Variants in DOCK4 observed in about 807,000 individuals in gnomAD.
The protein encoded by DOCK4 is dedicator of cytokinesis protein 4.
A neutral mutation model predicts 268.1 loss-of-function variants in DOCK4; 97 were observed. The observed-to-expected ratio is 0.36, with a 90% CI of 0.31 to 0.43. The LOEUF (loss-of-function observed/expected upper bound fraction) is 0.43, where lower values mean the gene tolerates loss of function less well. DOCK4 is among the 20% of genes least tolerant of loss of function. The pLI is 1.00. For missense variants in DOCK4, 2,145 were observed against 2,455.7 expected (o/e 0.87, Z 2.67); for synonymous variants, 954 against 887.2 (o/e 1.08, Z -1.34).
intron 1 of DOCK4, among the ~76,000 whole-genome samples, chr7:112,077,502 C>G (rs1031180489): frequency 6.6e-6 from 1 of 152,056 alleles, no homozygotes; most frequent in African/African-American, 2.4e-5. Flanking sequence ...CGCATCATTT[C>G]TACAGTGTGC....
intron 1 of DOCK4, among the ~76,000 whole-genome samples, chr7:112,117,646 C>G (rs970747330): frequency 6.6e-6 from 1 of 152,236 alleles, no homozygotes; most frequent in African/African-American, 2.4e-5. Flanking sequence ...GCTGGGACTA[C>G]AGGCGTGAGC....
chr7:111,934,432 GC>G (rs1794515854), intron 12 of DOCK4, among the ~76,000 whole-genome samples: 1 of 151,212 alleles, frequency 6.6e-6, no homozygotes, highest in Non-Finnish European at 1.5e-5. Flanking sequence ...TTCTTTTTTA[GC>G]CAACTTCAAT....
At chr7:111,991,042 A>C (rs1185809561) in intron 5 of DOCK4, among the ~76,000 whole-genome samples, 1 of 152,238 alleles carries the variant, frequency 6.6e-6, no homozygotes, top group African/African-American at 2.4e-5. Context: ...GTAGCAAAGA[A>C]GAGACACAGC....
chr7:112,020,478 C>T (rs1802218546), intron 1 of DOCK4, among the ~76,000 whole-genome samples: 1 of 152,012 alleles, frequency 6.6e-6, no homozygotes, highest in South Asian at 2.1e-4. Flanking sequence ...GTAGCTTATC[C>T]CGACTGGTCT....
intron 1 of DOCK4, among the ~76,000 whole-genome samples, chr7:112,158,685 C>T (rs1816830479): frequency 6.6e-6 from 1 of 152,220 alleles, no homozygotes; most frequent in South Asian, 2.1e-4. Context: ...TTCAAAGAAA[C>T]TATCACTTTT....
At chr7:112,028,881 C>T (rs1463372889) in intron 1 of DOCK4, among the ~76,000 whole-genome samples, 1 of 152,236 alleles carries the variant, frequency 6.6e-6, no homozygotes, top group Non-Finnish European at 1.5e-5. Context: ...AACCTGCTCA[C>T]ATGGTCCTGA....
intron 1 of DOCK4, among the ~76,000 whole-genome samples, chr7:112,064,121 G>T (rs1806706043): frequency 6.6e-6 from 1 of 152,198 alleles, no homozygotes; most frequent in Non-Finnish European, 1.5e-5. Context: ...GCTGGCAGAG[G>T]TATGGGGTTT....
chr7:112,099,276 A>C (rs1044988299), intron 1 of DOCK4, among the ~76,000 whole-genome samples: 2 of 147,506 alleles, frequency 1.4e-5, no homozygotes, highest in African/African-American at 2.5e-5. Context: ...TGGGTGATAG[A>C]GCAAGACCCT....
At chr7:111,964,930 C>T (rs1164902638) in intron 8 of DOCK4, among the ~76,000 whole-genome samples, 2 of 114,080 alleles carry the variant, frequency 1.8e-5, no homozygotes, top group Non-Finnish European at 3.4e-5. Flanking sequence ...AATTTTCAAC[C>T]CAGAATTTCA....
intron 23 of DOCK4, among the ~76,000 whole-genome samples, chr7:111,853,933 T>C (rs1349443704): frequency 6.6e-6 from 1 of 151,052 alleles, no homozygotes; most frequent in Non-Finnish European, 1.5e-5. Context: ...GTTGTTGTTG[T>C]TTGGTTTTTT....
At chr7:112,082,009 C>A (rs1270831162) in intron 1 of DOCK4, among the ~76,000 whole-genome samples, 1 of 151,818 alleles carries the variant, frequency 6.6e-6, no homozygotes, top group Non-Finnish European at 1.5e-5. Context: ...TCAGAATACT[C>A]ATGTGACAAA....
chr7:112,066,678 TATATAC>T (rs57764149), intron 1 of DOCK4, among the ~76,000 whole-genome samples: 14 of 22,020 alleles, frequency 6.4e-4, no homozygotes, highest in Admixed American at 8.9e-4. Context: ...TACATATACA[TATATAC>T]ATATACATAT....
At position 111,945,801 on chromosome 7, in the gene DOCK4, A is replaced by G; in HGVS notation, c.702-3T>C. The G allele has an allele frequency of 1.3e-6, 2 of 1,574,922 alleles. No individual in the cohort carries two copies. The highest frequency in any genetic ancestry group is 1.7e-6 in the Non-Finnish European group (2 of 1,159,284). The stretch of plus-strand genomic sequence containing the variant: ...TCAGCCTCAAGAAAAATCTCTCACT[A>G]CAAGAGAAAAAATGTTTAACAATTT... On this transcript the variant is annotated splice_region_variant and splice_polypyrimidine_tract_variant and intron_variant, in intron 8 of 52. Transcript: ENST00000428084.
intron 1 of DOCK4, among the ~76,000 whole-genome samples, chr7:112,033,224 G>GA (rs1284030923): frequency 1.3e-5 from 2 of 151,626 alleles, no homozygotes; most frequent in African/African-American, 2.4e-5. Context: ...TTCTAGAGTA[G>GA]AAAAAAAATG....
chr7:111,930,629 AC>A (rs376559698), intron 12 of DOCK4, among the ~76,000 whole-genome samples: 1 of 152,318 alleles, frequency 6.6e-6, no homozygotes, highest in African/African-American at 2.4e-5. Context: ...CAGAGAGAAA[AC>A]AGCGGAAGTC....
At chr7:112,046,160 A>G (rs747798531) in intron 1 of DOCK4, among the ~76,000 whole-genome samples, 3 of 152,164 alleles carry the variant, frequency 2.0e-5, no homozygotes, top group Non-Finnish European at 4.4e-5. Flanking sequence ...GATTCTGTGA[A>G]CTTTTACTGG....
At chr7:111,760,141 G>A in intron 40 of DOCK4, 40 bp downstream of exon 40, 1 of 1,605,920 alleles carries the variant, frequency 6.2e-7, no homozygotes, top group African/African-American at 1.3e-5. Context: ...CTAAGAGCCA[G>A]TGCAATCTCA....
At chr7:111,877,264 A>G in intron 16 of DOCK4, 78 bp from the exon 17 acceptor site, 2 of 1,165,010 alleles carry the variant, frequency 1.7e-6, no homozygotes, top group Non-Finnish European at 2.2e-6. Context: ...TTATATTACT[A>G]GTGTTTATAA....
intron 1 of DOCK4, among the ~76,000 whole-genome samples, chr7:112,111,982 C>T (rs1192889288): frequency 6.6e-6 from 1 of 152,210 alleles, no homozygotes; most frequent in Non-Finnish European, 1.5e-5. Context: ...CACACCCACA[C>T]AACTGTACCA....
Sources: gnomAD v4.1 joint callset for allele counts (sites outside exome capture counted in the v4.1 genomes callset) on GRCh38, gnomAD v4.1.1 for gene constraint, MANE v1.5 for transcripts, NCBI Gene and HGNC (gene_info 2026-07-23, HGNC 2026-07-21) for gene names.